The following PCP4L1 variants were observed in gnomAD, a reference collection of about 807,000 sequenced individuals.
The protein encoded by PCP4L1 is Purkinje cell protein 4 like 1, also known as Purkinje cell protein 4-like protein 1.
PCP4L1 carries 9 observed loss-of-function variants against 9.6 expected under a neutral mutation model. That is an observed-to-expected ratio of 0.94 (90% CI 0.57 to 1.64). The LOEUF (loss-of-function observed/expected upper bound fraction) is 1.64. Ranked by LOEUF, PCP4L1 falls within the 40% of genes most tolerant of loss-of-function variation. The probability of loss-of-function intolerance (pLI) is 0.00; values close to 1 mark genes in which losing one functional copy is unlikely to be tolerated. For synonymous variants in PCP4L1, 31 were observed against 28.2 expected, an observed-to-expected ratio of 1.10 and a Z score of -0.31; for missense variants, 81 against 80.8, an observed-to-expected ratio of 1.00 and a Z score of -0.01.
intron 1 of PCP4L1, among the ~76,000 whole-genome samples, chr1:161,281,659 C>G (rs1669807725): frequency 6.6e-6 from 1 of 152,022 alleles, no homozygotes; most frequent in East Asian, 1.9e-4. Context: ...AGATGCTCCT[C>G]ACTTCCCAGA....
At chr1:161,278,927 T>G (rs1571800606) in intron 1 of PCP4L1, among the ~76,000 whole-genome samples, 1 of 152,146 alleles carries the variant, frequency 6.6e-6, no homozygotes, top group South Asian at 2.1e-4. Flanking sequence ...GGACCACAAG[T>G]GCACGCCACC....
intron 1 of PCP4L1, among the ~76,000 whole-genome samples, chr1:161,281,473 C>A (rs1358368952): frequency 1.3e-5 from 2 of 150,554 alleles, no homozygotes; most frequent in Non-Finnish European, 3.0e-5. Context: ...CGGAGGCGCC[C>A]CCCACCTCCC....
At chr1:161,260,556 A>G (rs1441559530) in intron 1 of PCP4L1, among the ~76,000 whole-genome samples, 2 of 152,202 alleles carry the variant, frequency 1.3e-5, no homozygotes, top group African/African-American at 4.8e-5. Context: ...GGCTATGCCA[A>G]CGTGAGGATT....
At chr1:161,272,956 A>G (rs1669646468) in intron 1 of PCP4L1, among the ~76,000 whole-genome samples, 1 of 152,064 alleles carries the variant, frequency 6.6e-6, no homozygotes, top group South Asian at 2.1e-4. Flanking sequence ...ACTCCTGGGG[A>G]AAGTATTAGG....
At chr1:161,280,352 C>A (rs1417265242) in intron 1 of PCP4L1, among the ~76,000 whole-genome samples, 1 of 152,094 alleles carries the variant, frequency 6.6e-6, no homozygotes, top group Non-Finnish European at 1.5e-5. Context: ...GATCTCACCC[C>A]CTCTCTCCTA....
At chr1:161,260,755 A>G (rs1162454776) in intron 1 of PCP4L1, among the ~76,000 whole-genome samples, 1 of 152,168 alleles carries the variant, frequency 6.6e-6, no homozygotes, top group Non-Finnish European at 1.5e-5. Context: ...GTTAGCCTTC[A>G]TCAGGGGCTC....
At chr1:161,264,198 C>T (rs1669468208) in intron 1 of PCP4L1, among the ~76,000 whole-genome samples, 1 of 151,652 alleles carries the variant, frequency 6.6e-6, no homozygotes, top group Non-Finnish European at 1.5e-5. Context: ...CAGGCATGAG[C>T]CACCATGCCT....
At chr1:161,270,934 T>C (rs2501869) in intron 1 of PCP4L1, among the ~76,000 whole-genome samples, 2,965 of 151,556 alleles carry the variant, frequency 0.02, 97 homozygotes, top group African/African-American at 0.067. Flanking sequence ...CATGTGAGGA[T>C]ATAGCAAAAA....
chr1:161,270,655 C>A (rs1669609448), intron 1 of PCP4L1, among the ~76,000 whole-genome samples: 1 of 151,166 alleles, frequency 6.6e-6, no homozygotes, highest in Admixed American at 6.6e-5. Context: ...GGGAGGATCA[C>A]AAGGTCAAGA....
intron 1 of PCP4L1, among the ~76,000 whole-genome samples, chr1:161,272,424 G>C (rs1250215931): frequency 6.6e-6 from 1 of 151,720 alleles, no homozygotes; most frequent in East Asian, 2.0e-4. Context: ...CAGGCATGGT[G>C]GTGGGCACCT....
intron 1 of PCP4L1, among the ~76,000 whole-genome samples, chr1:161,266,296 C>G (rs972739775): frequency 6.6e-6 from 1 of 152,160 alleles, no homozygotes; most frequent in Admixed American, 6.6e-5. Flanking sequence ...GGGATTAATA[C>G]GTTTATTTTG....
intron 1 of PCP4L1, among the ~76,000 whole-genome samples, chr1:161,272,825 G>A (rs1669645025): frequency 1.3e-5 from 2 of 152,078 alleles, no homozygotes; most frequent in Non-Finnish European, 2.9e-5. Context: ...GAAGGGTGAT[G>A]GGATCTAGAG....
chr1:161,280,738 C>A (rs1211150357), intron 1 of PCP4L1, among the ~76,000 whole-genome samples: 1 of 152,252 alleles, frequency 6.6e-6, no homozygotes, highest in East Asian at 1.9e-4. Flanking sequence ...GAAATATTTT[C>A]TTCACGTGGC....
intron 1 of PCP4L1, among the ~76,000 whole-genome samples, chr1:161,267,234 T>C (rs1669546204): frequency 1.3e-5 from 2 of 152,348 alleles, no homozygotes; most frequent in South Asian, 4.1e-4. Flanking sequence ...CCTGTGTGTA[T>C]TCATCCAAAC....
At chr1:161,268,604 C>CAAT (rs1244017077) in intron 1 of PCP4L1, among the ~76,000 whole-genome samples, 4 of 125,730 alleles carry the variant, frequency 3.2e-5, no homozygotes, top group Middle Eastern at 5.9e-3. Context: ...CCCAGGAGTG[C>CAAT]AATGGCACGA....
chr1:161,283,706 T>G lies in PCP4L1; in HGVS notation c.48T>G (p.Ala16=). The G allele has an allele frequency of 6.2e-7, 1 of 1,606,550 alleles. No individual in the cohort carries two copies. Among genetic ancestry groups the G allele is most frequent in the South Asian group, 1.1e-5 (1 of 89,480 alleles). The part of the protein sequence containing the change: ...TKTSPATNQA[A]GQEEKGKAGN... ...CATCCCCAGCAACCAACCAGGCAGCTGGCCAAGAGGAAAAAGGTGAGTGGG... is the reference window on the plus strand; with the variant it reads ...CATCCCCAGCAACCAACCAGGCAGCGGGCCAAGAGGAAAAAGGTGAGTGGG... The change falls in exon 2 of 3, where the codon GCT becomes GCG. Residue 16 remains alanine (A), a synonymous_variant. Coordinates refer to ENST00000504449, the MANE Select transcript of PCP4L1 (RefSeq NM_001102566.2).
At chr1:161,271,128 T>C (rs1208512447) in intron 1 of PCP4L1, among the ~76,000 whole-genome samples, 3 of 152,252 alleles carry the variant, frequency 2.0e-5, no homozygotes, top group Admixed American at 6.5e-5. Context: ...GGTAAATGTA[T>C]GCTTAAGAAA....
chr1:161,274,807 C>T lies in PCP4L1; in HGVS notation c.10-8861C>T, dbSNP rs1292654641. On this transcript the variant is annotated intron_variant, in intron 1 of 2. Coordinates refer to ENST00000504449, the MANE Select transcript of PCP4L1 (RefSeq NM_001102566.2). Reference sequence around the variant, plus strand: ...GTGTCCAGAGTGGCTATTTCGAGAACTGGCTAGAAAGAGGGAAGAGGGGCA... The same window carrying T: ...GTGTCCAGAGTGGCTATTTCGAGAATTGGCTAGAAAGAGGGAAGAGGGGCA... 2.0e-5 allele frequency among the ~76,000 whole-genome samples: 3 copies of T among 152,106 alleles called. No individual in the cohort carries two copies. In the East Asian group the frequency reaches 5.8e-4, roughly 29 times the overall value.
rs775824469 is a variant in PCP4L1 at position 161,285,274 on chromosome 1, C to T, written c.*793C>T. On this transcript the variant is annotated 3_prime_UTR_variant, in exon 3 of 3. Coordinates refer to ENST00000504449, the MANE Select transcript of PCP4L1 (RefSeq NM_001102566.2). ...CTTGGGGCTTTGCTAACCTGCTCAC[C>T]GCTAACCCTCCAAGTCTAACCATCC... 2 of 152,304 alleles carry T rather than the reference C, an allele frequency of 1.3e-5. No individual in the cohort carries two copies. The highest frequency in any genetic ancestry group is 6.6e-5 in the Admixed American group (1 of 15,264). 9.4% of individuals were successfully genotyped at this position (152,304 alleles called of 1,614,324 possible). A position where few individuals can be genotyped will look rare whatever the true frequency, so the allele number is the denominator to read the frequency against.
Sources: gnomAD v4.1 joint callset for allele counts (sites outside exome capture counted in the v4.1 genomes callset) on GRCh38, gnomAD v4.1.1 for gene constraint, MANE v1.5 for transcripts, NCBI Gene and HGNC (gene_info 2026-07-23, HGNC 2026-07-21) for gene names.